The following BRWD1 variants were observed in gnomAD, a reference collection of about 807,000 sequenced individuals.
BRWD1 encodes bromodomain and WD repeat-containing protein 1.
BRWD1 carries 82 observed loss-of-function variants against 251.2 expected under a neutral mutation model. The ratio of observed to expected loss-of-function variants is 0.33; its 90% CI spans 0.27 to 0.39. The LOEUF is 0.39. BRWD1 is among the 10% of genes least tolerant of loss of function. The pLI, the probability that BRWD1 is intolerant of heterozygous loss-of-function variation, is 1.00. For missense variants in BRWD1, 2,233 were observed against 2,711.6 expected (o/e 0.82, Z 3.92); for synonymous variants, 918 against 902.8 (o/e 1.02, Z -0.30).
At chr21:39,227,881 C>A (rs1452621176) in intron 27 of BRWD1, among the ~76,000 whole-genome samples, 1 of 152,080 alleles carries the variant, frequency 6.6e-6, no homozygotes, top group African/African-American at 2.4e-5. Context: ...CAATATAGTA[C>A]AGGGAAGTCT....
At chr21:39,311,113 T>C (rs527711179) in intron 4 of BRWD1, among the ~76,000 whole-genome samples, 29 of 151,744 alleles carry the variant, frequency 1.9e-4, no homozygotes, top group Non-Finnish European at 1.9e-4. Flanking sequence ...TTTTAAACAA[T>C]AGTAAGTAGG....
At chr21:39,241,689 C>T (rs1045721791) in intron 21 of BRWD1, among the ~76,000 whole-genome samples, 9 of 151,876 alleles carry the variant, frequency 5.9e-5, no homozygotes, top group African/African-American at 2.2e-4. Context: ...TACTTTTTAT[C>T]GTGCTTTACT....
chr21:39,239,253 T>C (rs2033911585), intron 21 of BRWD1, among the ~76,000 whole-genome samples: 1 of 152,276 alleles, frequency 6.6e-6, no homozygotes, highest in South Asian at 2.1e-4. Context: ...AAAAGGTCAA[T>C]GCCACACTCA....
chr21:39,228,431 C>A (rs2033471457), intron 27 of BRWD1, 69 bp downstream of exon 27: 1 of 1,061,918 alleles, frequency 9.4e-7, no homozygotes, highest in Non-Finnish European at 1.4e-6. Context: ...AGTCCCACAG[C>A]CAAAAAGGTA....
At chr21:39,254,184 T>A (rs2034488963) in intron 19 of BRWD1, among the ~76,000 whole-genome samples, 1 of 152,208 alleles carries the variant, frequency 6.6e-6, no homozygotes. Context: ...GAGAATCACT[T>A]GAACCCGGAG....
At chr21:39,211,570 CT>C (rs997829856) in intron 34 of BRWD1, among the ~76,000 whole-genome samples, 2 of 152,156 alleles carry the variant, frequency 1.3e-5, no homozygotes, top group Non-Finnish European at 2.9e-5. Flanking sequence ...CTCCCTGGAG[CT>C]TCTGGCCACA....
rs1015049585 is a variant in BRWD1, at chr21:39,189,386, T to C, written c.*6873A>G. Reference sequence around the variant, plus strand: ...TTTTGATGTGTGATCAAAGTACCTATACTGACAATTTAGGAACCTAGTAAA... The same window carrying C: ...TTTTGATGTGTGATCAAAGTACCTACACTGACAATTTAGGAACCTAGTAAA... On this transcript the variant is annotated 3_prime_UTR_variant, in exon 41 of 41. Coordinates refer to ENST00000342449, the MANE Select transcript of BRWD1 (RefSeq NM_033656.4). 3.1e-6 allele frequency: 3 copies of C among 980,364 alleles called. No homozygotes were observed. Among genetic ancestry groups the C allele is most frequent in the Middle Eastern group, 5.3e-4 (1 of 1,904 alleles). The allele number at this position is 980,364 out of a possible 1,614,324, so 60.7% of individuals were successfully genotyped here.
rs115615391 is a variant in BRWD1 at position 39,188,932 on chromosome 21, C to T, written c.*7327G>A. 3,406 of 985,340 alleles carry T rather than the reference C, an allele frequency of 3.5e-3. 83 individuals carry two copies. In the African/African-American group the frequency reaches 0.053, roughly 15 times the overall value. The allele number at this position is 985,340 out of a possible 1,614,324, so 61.0% of individuals were successfully genotyped here. ...GAGTAAGACACTCATCACGGCATTA[C>T]TCTCATGCAGCATGCCCTTACCTCC... On this transcript the variant is annotated 3_prime_UTR_variant, in exon 41 of 41. Transcript: ENST00000342449.
rs370116366 is a variant in BRWD1, at chr21:39,187,702, CAT to C, written c.*8555_*8556del. ...CATCATAAAGCTGCTAATCTAAAAA[CAT>C]ATATATGAGCATTTTACATAATTTG... is the stretch of plus-strand genomic sequence containing the variant. On this transcript the variant is annotated 3_prime_UTR_variant, in exon 41 of 41. Coordinates refer to ENST00000342449, the MANE Select transcript of BRWD1 (RefSeq NM_033656.4). The C allele has an allele frequency of 1.8e-5, 18 of 985,120 alleles. No homozygotes were observed. The highest frequency in any genetic ancestry group is 4.7e-5 in the South Asian group (1 of 21,290). 61.0% of individuals were successfully genotyped at this position (985,120 alleles called of 1,614,324 possible).
rs966879473 is a variant in BRWD1 at position 39,190,739 on chromosome 21, G to A, written c.*5520C>T. 1.0e-6 allele frequency: 1 copy of A among 985,254 alleles called. No individual in the cohort carries two copies. Among genetic ancestry groups the A allele is most frequent in the African/African-American group, 1.7e-5 (1 of 57,220 alleles). 61.0% of individuals were successfully genotyped at this position (985,254 alleles called of 1,614,324 possible). The stretch of plus-strand genomic sequence containing the variant: ...ATGGCTGTAGAATAAAATGGTTTCT[G>A]TAACTTGCTGTGTTTTTAAACAGTT... On this transcript the variant is annotated 3_prime_UTR_variant, in exon 41 of 41. Transcript: ENST00000342449.
chr21:39,187,630 CAGT>C lies in BRWD1; in HGVS notation c.*8626_*8628del. 1 of 985,304 alleles carries C rather than the reference CAGT, an allele frequency of 1.0e-6. No homozygotes were observed. The highest frequency in any genetic ancestry group is 1.2e-6 in the Non-Finnish European group (1 of 829,838). 61.0% of individuals were successfully genotyped at this position (985,304 alleles called of 1,614,324 possible). Reference sequence around the variant, plus strand: ...ACAACTATAAGGATGTCACTTAAAACAGTAGCAGACTTGTAAGAATGGGGTGAA... The same window carrying C: ...ACAACTATAAGGATGTCACTTAAAACAGCAGACTTGTAAGAATGGGGTGAA... On this transcript the variant is annotated 3_prime_UTR_variant, in exon 41 of 41. Transcript: ENST00000342449.
At position 39,187,073 on chromosome 21, in the gene BRWD1, T is replaced by C. The variant is rs774509652; in HGVS notation, c.*9186A>G. On this transcript the variant is annotated 3_prime_UTR_variant, in exon 41 of 41. Transcript: ENST00000342449. ...GATCTGAACCCCCTTAAAAAAAGCA[T>C]TTTTCTATTAATATCTTCTAGCTCT... 6.3e-7 allele frequency: 1 copy of C among 1,593,016 alleles called. No individual in the cohort carries two copies. Among genetic ancestry groups the C allele is most frequent in the Non-Finnish European group, 8.5e-7 (1 of 1,174,186 alleles).
In BRWD1 at chr21:39,283,673, ATTTG is replaced by A. The variant is rs2035542670; in HGVS notation, c.832-3429_832-3426del. Among the ~76,000 whole-genome samples the A allele has an allele frequency of 2.6e-5, 4 of 152,066 alleles. 1 individual carries two copies. The highest frequency in any genetic ancestry group is 4.4e-5 in the Non-Finnish European group (3 of 67,998). On this transcript the variant is annotated intron_variant, in intron 8 of 40. Transcript: ENST00000342449. ...TAAGCTTGAAGTTTTAAGAGTTGCG[ATTTG>A]TTTTTGTTTTTTTAGTGTCCAACAG...
Position 39,189,957 on chromosome 21 carries a change from T to TA in BRWD1, c.*6301dup, listed in dbSNP as rs1270466878. The TA allele has an allele frequency of 1.0e-6, 1 of 985,274 alleles. No individual in the cohort carries two copies. The highest frequency in any genetic ancestry group is 1.2e-6 in the Non-Finnish European group (1 of 829,920). 61.0% of individuals were successfully genotyped at this position (985,274 alleles called of 1,614,324 possible). A position where few individuals can be genotyped will look rare whatever the true frequency, so the allele number is the denominator to read the frequency against. ...ATGAGTCTTGTTTCAGTCATGGGTT[T>TA]ACAAAGTCATTGAGTGCTTGAGGAC... On this transcript the variant is annotated 3_prime_UTR_variant, in exon 41 of 41. Coordinates refer to ENST00000342449, the MANE Select transcript of BRWD1 (RefSeq NM_033656.4).
chr21:39,294,525 G>A (rs1335496242), intron 7 of BRWD1, among the ~76,000 whole-genome samples: 1 of 152,112 alleles, frequency 6.6e-6, no homozygotes, highest in African/African-American at 2.4e-5. Context: ...CGTGGTGGCT[G>A]GCACCTGTAG....
At chr21:39,262,842 G>A (rs2034799123) in intron 17 of BRWD1, among the ~76,000 whole-genome samples, 1 of 152,146 alleles carries the variant, frequency 6.6e-6, no homozygotes, top group African/African-American at 2.4e-5. Context: ...GGGGACTTTT[G>A]GGGGCAGTAT....
rs1418152015 is a variant in BRWD1, at chr21:39,264,538, T to C, written c.1807A>G (p.Lys603Glu). 3 of 1,613,652 alleles carry C rather than the reference T, an allele frequency of 1.9e-6. No individual in the cohort carries two copies. In the South Asian group the frequency reaches 3.3e-5, roughly 18 times the overall value. Reference protein sequence around the residue: ...VDVDGNPHPTKYQRLVPGREN... With the variant: ...VDVDGNPHPTEYQRLVPGREN... Reference sequence around the variant, plus strand: ...CGGCCTGGTACTAATCTCTGATACTTGGTTGGATGAGGATTTCCATCTACA... The same window carrying C: ...CGGCCTGGTACTAATCTCTGATACTCGGTTGGATGAGGATTTCCATCTACA... The change falls in exon 17 of 41, where the codon AAG becomes GAG. Residue 603 changes from lysine to glutamate, a missense_variant. Physicochemically the swap from Lys to Glu is moderately conservative, Grantham distance 56. Transcript: ENST00000342449.
intron 1 of BRWD1, 45 bp from the exon 2 acceptor site, chr21:39,313,344 AGGGGGACGGGGCCAGGGGAGCC>A: frequency 2.8e-6 from 4 of 1,420,230 alleles, no homozygotes; most frequent in Non-Finnish European, 3.8e-6. Context: ...CGGGGAGGGG[AGGGGGACGGGGCCAGGGGAGCC>A]GGGGGAGCCC....
In BRWD1 at chr21:39,228,713, G is replaced by T. The variant is rs916732467; in HGVS notation, c.3126-131C>A. On this transcript the variant is annotated intron_variant, in intron 26 of 40. Transcript: ENST00000342449. ...ATTTTCAACCAGCTATATTTTAAAAGGTAAAACAGTAAACTTCATAGCATA... is the reference window on the plus strand; with the variant it reads ...ATTTTCAACCAGCTATATTTTAAAATGTAAAACAGTAAACTTCATAGCATA... The T allele has an allele frequency of 4.3e-5, 24 of 553,218 alleles. No individual in the cohort carries two copies. In the Middle Eastern group the frequency reaches 1.5e-3, roughly 34 times the overall value. 34.3% of individuals were successfully genotyped at this position (553,218 alleles called of 1,614,324 possible).
Sources: gnomAD v4.1 joint callset for allele counts (sites outside exome capture counted in the v4.1 genomes callset) on GRCh38, gnomAD v4.1.1 for gene constraint, MANE v1.5 for transcripts, NCBI Gene and HGNC (gene_info 2026-07-23, HGNC 2026-07-21) for gene names.